Variants in HERC2 observed in about 807,000 individuals in gnomAD.
HERC2 encodes HECT and RLD domain containing E3 ubiquitin protein ligase 2, also known as E3 ubiquitin-protein ligase HERC2.
HERC2 carries 102 observed loss-of-function variants against 537.7 expected under a neutral mutation model. That is an observed-to-expected ratio of 0.19 (90% CI 0.16 to 0.22). HERC2 has a LOEUF of 0.22. HERC2 is among the 10% of genes least tolerant of loss of function. The probability of loss-of-function intolerance (pLI) is 1.00; values close to 1 mark genes in which losing one functional copy is unlikely to be tolerated. For synonymous variants in HERC2, 2,224 were observed against 2,466.2 expected (o/e 0.90, Z 2.91); for missense variants, 4,236 against 6,198.2 (o/e 0.68, Z 10.63).
intron 50 of HERC2, 82 bp downstream of exon 50, chr15:28,198,296 T>C: frequency 6.9e-7 from 1 of 1,455,202 alleles, no homozygotes; most frequent in Non-Finnish European, 9.4e-7. Flanking sequence ...CTGTTTTGTG[T>C]GCTTGAACAA....
chr15:28,191,044 A>T lies in HERC2; in HGVS notation c.8570T>A (p.Leu2857Gln), dbSNP rs1280232250. ...TGTCTTTAGTTCAATAAGGTTATTC[A>T]GGGAATTTCCACCTAGGAAAAAATG... The part of the protein sequence containing the change: ...SLVVVSGGNS[L>Q]NNLIELKTIN... Residue 2857 changes from leucine (L) to glutamine (Q), a missense_variant, in exon 55 of 93, where the codon CTG (leucine) becomes CAG (glutamine). Physicochemically the swap from Leu to Gln is moderately radical, Grantham distance 113. Around this residue, in one of 27 missense-constraint regions of HERC2, gnomAD observed 606 missense variants for 884.5 expected, o/e 0.69. Coordinates refer to ENST00000261609, the MANE Select transcript of HERC2 (RefSeq NM_004667.6). 6.2e-7 allele frequency: 1 copy of T among 1,611,680 alleles called. No individual in the cohort carries two copies. Among genetic ancestry groups the T allele is most frequent in the Non-Finnish European group, 8.5e-7 (1 of 1,177,924 alleles).
intron 43 of HERC2, among the ~76,000 whole-genome samples, chr15:28,211,668 G>T (rs541384732): frequency 3.0e-3 from 460 of 152,020 alleles, no homozygotes; most frequent in African/African-American, 4.7e-3. Context: ...TGGCAGACAG[G>T]TTTATTCACC....
At chr15:28,258,006 T>G (rs540393335) in intron 16 of HERC2, among the ~76,000 whole-genome samples, 7 of 152,076 alleles carry the variant, frequency 4.6e-5, no homozygotes, top group Admixed American at 4.6e-4. Context: ...TTTAAGCACA[T>G]ACAGAATGTT....
Position 28,265,832 on chromosome 15 carries a change from C to T in HERC2, c.1741G>A (p.Gly581Ser), listed in dbSNP as rs995605135. Residue 581 changes from glycine to serine, a missense_variant, in exon 13 of 93, where the codon GGC (glycine) becomes AGC (serine). By Grantham distance (56) the Gly-to-Ser change is moderately conservative. This residue lies in a region of HERC2 where 754 missense variants were observed against 1,085.0 expected (regional missense o/e 0.69). Coordinates refer to ENST00000261609, the MANE Select transcript of HERC2 (RefSeq NM_004667.6). The surrounding 1 kb of genome is among the most constrained non-coding windows in gnomAD (Gnocchi z 4.0). ...ELYTWGRGNY[G>S]RLGHGSSEDE... Reference sequence around the variant, plus strand: ...GCAGACGTACCATGGCCCAGCCGGCCGTAGTTCCCGCGGCCCCAGGTGTAC... The same window carrying T: ...GCAGACGTACCATGGCCCAGCCGGCTGTAGTTCCCGCGGCCCCAGGTGTAC... The T allele has an allele frequency of 3.7e-6, 6 of 1,614,060 alleles. No homozygotes were observed. Among genetic ancestry groups the T allele is most frequent in the African/African-American group, 1.3e-5 (1 of 74,936 alleles).
Position 28,268,367 on chromosome 15 carries a change from A to T in HERC2, c.1598+98T>A. ...CATCCCAGCGCTACATGTCAGGGCA[A>T]TTGGAAAACACCTGGACACACTTCT... On this transcript the variant is annotated intron_variant, in intron 12 of 92. Coordinates refer to ENST00000261609, the MANE Select transcript of HERC2 (RefSeq NM_004667.6). This position sits in a 1 kb window ranked among gnomAD's most constrained non-coding sequence, Gnocchi z 4.7. 1 of 1,171,024 alleles carries T rather than the reference A, an allele frequency of 8.5e-7. No individual in the cohort carries two copies. Among genetic ancestry groups the T allele is most frequent in the Non-Finnish European group, 1.2e-6 (1 of 815,184 alleles). The allele number at this position is 1,171,024 out of a possible 1,614,324, so 72.5% of individuals were successfully genotyped here.
intron 3 of HERC2, among the ~76,000 whole-genome samples, chr15:28,296,255 C>T (rs1302089123): frequency 1.3e-5 from 2 of 152,048 alleles, no homozygotes; most frequent in Non-Finnish European, 2.9e-5. Context: ...GTGGGCAGAT[C>T]ATGAGGTCAG....
intron 3 of HERC2, among the ~76,000 whole-genome samples, chr15:28,299,091 C>T (rs914883951): frequency 1.3e-5 from 2 of 152,072 alleles, no homozygotes; most frequent in Non-Finnish European, 2.9e-5. Context: ...AACTACAAAG[C>T]TAAATAAGAT....
chr15:28,265,598 G>A lies in HERC2; in HGVS notation c.1870+20C>T, dbSNP rs1422577557. ...GCGTGTCCTCGTGGGCCTGTCCAGGGTGGCGAGAGCTCTACGTACCGTTCT... is the reference window on the plus strand; with the variant it reads ...GCGTGTCCTCGTGGGCCTGTCCAGGATGGCGAGAGCTCTACGTACCGTTCT... On this transcript the variant is annotated intron_variant, in intron 14 of 92. Coordinates refer to ENST00000261609, the MANE Select transcript of HERC2 (RefSeq NM_004667.6). This position sits in a 1 kb window ranked among gnomAD's most constrained non-coding sequence, Gnocchi z 4.0. 1.9e-6 allele frequency: 3 copies of A among 1,600,386 alleles called. No individual in the cohort carries two copies. Among genetic ancestry groups the A allele is most frequent in the Non-Finnish European group, 2.6e-6 (3 of 1,168,558 alleles).
At chr15:28,296,331 G>A (rs2076468826) in intron 3 of HERC2, among the ~76,000 whole-genome samples, 1 of 152,032 alleles carries the variant, frequency 6.6e-6, no homozygotes, top group African/African-American at 2.4e-5. Flanking sequence ...ACAATTAGCT[G>A]GGCATGGTGG....
At chr15:28,160,743 C>T (rs1893512372) in intron 69 of HERC2, among the ~76,000 whole-genome samples, 1 of 152,222 alleles carries the variant, frequency 6.6e-6, no homozygotes, top group Admixed American at 6.5e-5. Flanking sequence ...CACTGTCCTG[C>T]ACCCGCTGTC....
Position 28,177,197 on chromosome 15 carries a change from C to A in HERC2, c.9255-70G>T. ...CTTAGAGATGAAGGAAAAAAGACAT[C>A]TATACTGATCCACATGTAGTCAACA... On this transcript the variant is annotated intron_variant, in intron 60 of 92. Transcript: ENST00000261609. The surrounding 1 kb of genome is among the most constrained non-coding windows in gnomAD (Gnocchi z 5.0). 1 of 1,453,736 alleles carries A rather than the reference C, an allele frequency of 6.9e-7. No individual in the cohort carries two copies. Among genetic ancestry groups the A allele is most frequent in the Non-Finnish European group, 9.4e-7 (1 of 1,063,052 alleles). The allele number at this position is 1,453,736 out of a possible 1,614,324, so 90.1% of individuals were successfully genotyped here.
In HERC2 at chr15:28,164,447, C is replaced by T. The variant is rs1481349778; in HGVS notation, c.10555-1162G>A. 5.9e-5 allele frequency among the ~76,000 whole-genome samples: 9 copies of T among 152,272 alleles called. No homozygotes were observed. In the South Asian group the frequency reaches 1.0e-3, roughly 18 times the overall value. On this transcript the variant is annotated intron_variant, in intron 68 of 92. Coordinates refer to ENST00000261609, the MANE Select transcript of HERC2 (RefSeq NM_004667.6). ...AAATTCATTATAAATGATGACATTCCAGAACATAACTCACTGAAGGACAGC... is the reference window on the plus strand; with the variant it reads ...AAATTCATTATAAATGATGACATTCTAGAACATAACTCACTGAAGGACAGC...
Position 28,229,748 on chromosome 15 carries a change from T to G in HERC2, c.4909A>C (p.Ser1637Arg). The change falls in exon 32 of 93, where the codon AGT (serine) becomes CGT (arginine). Residue 1637 changes from serine to arginine, a missense_variant. This residue lies in a region of HERC2 where 343 missense variants were observed against 417.2 expected (regional missense o/e 0.82). Transcript: ENST00000261609. ...QGLYPQSPLL[S>R]TIAEFALKEE... ...TTAAGGGCAAATTCAGCAATTGTAC[T>G]GAGGAGTGGAGACTGCGGATAAAGA... The G allele has an allele frequency of 6.3e-7, 1 of 1,597,760 alleles. No individual in the cohort carries two copies. Among genetic ancestry groups the G allele is most frequent in the Non-Finnish European group, 8.6e-7 (1 of 1,166,868 alleles).
chr15:28,236,513 A>C (rs1902476114), intron 26 of HERC2, among the ~76,000 whole-genome samples: 2 of 149,690 alleles, frequency 1.3e-5, no homozygotes, highest in Non-Finnish European at 1.5e-5. Flanking sequence ...CTGGTCTTGA[A>C]CTCCTGACCT....
intron 2 of HERC2, among the ~76,000 whole-genome samples, chr15:28,301,731 ATGTG>A (rs1202140643): frequency 2.6e-3 from 55 of 21,554 alleles, no homozygotes; most frequent in African/African-American, 9.5e-3. Flanking sequence ...AGTTGTATGT[ATGTG>A]TATATATATA....
chr15:28,148,351 A>T (rs1293398404), intron 70 of HERC2, among the ~76,000 whole-genome samples: 2 of 152,196 alleles, frequency 1.3e-5, no homozygotes, highest in Non-Finnish European at 2.9e-5. Context: ...AGGAAATTTT[A>T]AAAAAAGAAA....
chr15:28,211,850 A>G (rs551513939), intron 43 of HERC2, among the ~76,000 whole-genome samples: 2 of 152,300 alleles, frequency 1.3e-5, no homozygotes, highest in Admixed American at 1.3e-4. Context: ...GAGGGGAGAA[A>G]ACTCAAGAAG....
intron 2 of HERC2, chr15:28,315,940 C>T: frequency 2.5e-6 from 1 of 402,198 alleles, no homozygotes; most frequent in South Asian, 2.1e-5. Context: ...ACCCACCTTG[C>T]TCATAAACAA....
intron 79 of HERC2, among the ~76,000 whole-genome samples, chr15:28,133,623 T>C (rs1028698624): frequency 2.0e-5 from 3 of 152,262 alleles, no homozygotes; most frequent in Admixed American, 2.0e-4. Context: ...AATGTTTGGA[T>C]ATGGTGTAAA....
Sources: gnomAD v4.1 joint callset for allele counts (sites outside exome capture counted in the v4.1 genomes callset) on GRCh38, gnomAD v4.1.1 for gene constraint, gnomAD v4.1.1 regional missense constraint, Gnocchi (gnomAD v3.1) non-coding constraint, MANE v1.5 for transcripts, NCBI Gene and HGNC (gene_info 2026-07-23, HGNC 2026-07-21) for gene names.